The following CRKL variants were observed in gnomAD, a reference collection of about 807,000 sequenced individuals.
The protein encoded by CRKL is crk-like protein.
Under a neutral mutation model 23.0 loss-of-function variants are expected in CRKL, and 3 were observed. The ratio of observed to expected loss-of-function variants is 0.13; its 90% confidence interval spans 0.06 to 0.34. The LOEUF (loss-of-function observed/expected upper bound fraction) is 0.34. Among genes scored for constraint, CRKL ranks in the 10% least tolerant of loss-of-function variants. The probability of loss-of-function intolerance (pLI) is 1.00; values close to 1 mark genes in which losing one functional copy is unlikely to be tolerated. For synonymous variants in CRKL, 188 were observed against 160.7 expected (o/e 1.17, Z -1.28); for missense variants, 256 against 394.5 (o/e 0.65, Z 2.97).
rs1206426396 is a variant in CRKL, at chr22:20,941,572, GTGTGTGTA to G, written c.777+7330_777+7337del. The stretch of plus-strand genomic sequence containing the variant: ...TGTGTGTGTGTGTGTGTGTGTGTGT[GTGTGTGTA>G]TATATATATTTTTTTTTTTTTTTTT... On this transcript the variant is annotated intron_variant, in intron 2 of 2. Coordinates refer to ENST00000354336, the MANE Select transcript of CRKL (RefSeq NM_005207.4). Among the ~76,000 whole-genome samples the G allele has an allele frequency of 4.9e-5, 2 of 40,744 alleles. 1 individual carries two copies. The highest frequency in any genetic ancestry group is 8.9e-5 in the Non-Finnish European group (2 of 22,416). The allele number at this position is 40,744 out of a possible 152,430, so 26.7% of individuals were successfully genotyped here.
At chr22:20,943,291 A>ACG (rs1251516587) in intron 2 of CRKL, among the ~76,000 whole-genome samples, 2 of 152,024 alleles carry the variant, frequency 1.3e-5, no homozygotes, top group East Asian at 3.9e-4. Flanking sequence ...GCTGGAGTAC[A>ACG]ATGGCACTCA....
intron 2 of CRKL, 48 bp downstream of exon 2, chr22:20,934,292 T>A (rs761366341): frequency 3.4e-6 from 5 of 1,491,542 alleles, no homozygotes; most frequent in Non-Finnish European, 4.6e-6. Context: ...CATTTGGTTT[T>A]AATTTTTAGT....
chr22:20,931,902 C>T (rs1394372581), intron 1 of CRKL, among the ~76,000 whole-genome samples: 1 of 152,134 alleles, frequency 6.6e-6, no homozygotes, highest in Non-Finnish European at 1.5e-5. Context: ...AGCTCCGCCT[C>T]CCGGGCTCAC....
chr22:20,944,400 T>G (rs945936497), intron 2 of CRKL, among the ~76,000 whole-genome samples: 1 of 151,148 alleles, frequency 6.6e-6, no homozygotes, highest in African/African-American at 2.4e-5. Flanking sequence ...GGTTAAATTA[T>G]TCTCGTTTTG....
chr22:20,937,397 C>T (rs1921704100), intron 2 of CRKL, among the ~76,000 whole-genome samples: 1 of 150,630 alleles, frequency 6.6e-6, no homozygotes, highest in Non-Finnish European at 1.5e-5. Context: ...AGTCGAGGCT[C>T]CCAGTCAGAA....
Position 20,925,465 on chromosome 22 carries a change from C to T in CRKL, c.311+7220C>T, listed in dbSNP as rs555709487. The stretch of plus-strand genomic sequence containing the variant: ...CAGAGATGACAGTGAGCCGAGATTG[C>T]GCCAGCGCCACTGCACTCCAGTCTG... On this transcript the variant is annotated intron_variant, in intron 1 of 2. Transcript: ENST00000354336. Among the ~76,000 whole-genome samples the T allele has an allele frequency of 7.2e-5, 11 of 151,828 alleles. No homozygotes were observed. In the East Asian group the frequency reaches 7.8e-4, roughly 11 times the overall value.
Position 20,944,225 on chromosome 22 carries a change from G to A in CRKL, c.778-5486G>A, listed in dbSNP as rs1184137462. On this transcript the variant is annotated intron_variant, in intron 2 of 2. Coordinates refer to ENST00000354336, the MANE Select transcript of CRKL (RefSeq NM_005207.4). ...ACTGGTCTCAAACTCCTGGGCTCAA[G>A]TGATCCTCCTGTCTCAGCCTCCCAA... Among the ~76,000 whole-genome samples, 7 of 147,144 alleles carry A rather than the reference G, an allele frequency of 4.8e-5. No homozygotes were observed. In the East Asian group the frequency reaches 1.4e-3, roughly 29 times the overall value.
rs762877950 is a variant in CRKL at position 20,952,289 on chromosome 22, G to C, written c.*2444G>C. The stretch of plus-strand genomic sequence containing the variant: ...AGCCCTGTCTACTGACCAATACCCC[G>C]ACTCACCTTGTGTGGCGCACTTCAG... On this transcript the variant is annotated 3_prime_UTR_variant, in exon 3 of 3. Transcript: ENST00000354336. 8.7e-6 allele frequency: 2 copies of C among 229,802 alleles called. No homozygotes were observed. Among genetic ancestry groups the C allele is most frequent in the East Asian group, 1.2e-4 (2 of 16,112 alleles). 14.2% of individuals were successfully genotyped at this position (229,802 alleles called of 1,614,324 possible). A position where few individuals can be genotyped will look rare whatever the true frequency, so the allele number is the denominator to read the frequency against.
At chr22:20,926,694 G>A (rs1011940528) in intron 1 of CRKL, among the ~76,000 whole-genome samples, 2 of 152,246 alleles carry the variant, frequency 1.3e-5, no homozygotes, top group African/African-American at 4.8e-5. Context: ...AATAAGTAGA[G>A]AAAGAGAAGC....
intron 1 of CRKL, among the ~76,000 whole-genome samples, chr22:20,928,411 C>G: frequency 6.7e-6 from 1 of 149,828 alleles, no homozygotes; most frequent in Non-Finnish European, 1.5e-5. Flanking sequence ...GAGCCATGAT[C>G]GTACTGCTGC....
intron 2 of CRKL, among the ~76,000 whole-genome samples, chr22:20,948,617 A>G (rs1228094354): frequency 6.6e-6 from 1 of 152,192 alleles, no homozygotes; most frequent in African/African-American, 2.4e-5. Flanking sequence ...GGTGTCCTGC[A>G]TGCTCCAAAG....
chr22:20,918,429 CG>C (rs1009839287), intron 1 of CRKL, among the ~76,000 whole-genome samples, 184 bp downstream of exon 1: 2 of 48,094 alleles, frequency 4.2e-5, no homozygotes, highest in African/African-American at 1.5e-4. Context: ...TAAGAGGATG[CG>C]TTTTTTTTTT....
Position 20,917,433 on chromosome 22 carries a change from G to A in CRKL, c.-502G>A, listed in dbSNP as rs919410019. The A allele has an allele frequency of 4.4e-6, 1 of 226,008 alleles. No homozygotes were observed. Among genetic ancestry groups the A allele is most frequent in the Non-Finnish European group, 8.8e-6 (1 of 113,292 alleles). The allele number at this position is 226,008 out of a possible 1,614,324, so 14.0% of individuals were successfully genotyped here. A position where few individuals can be genotyped will look rare whatever the true frequency, so the allele number is the denominator to read the frequency against. ...CAGACGGAGCGCGCTGAGCGGAGGGGGAGGTGGCTGCCGCTTCTCCCGCGT... is the reference window on the plus strand; with the variant it reads ...CAGACGGAGCGCGCTGAGCGGAGGGAGAGGTGGCTGCCGCTTCTCCCGCGT... On this transcript the variant is annotated 5_prime_UTR_variant, in exon 1 of 3. Coordinates refer to ENST00000354336, the MANE Select transcript of CRKL (RefSeq NM_005207.4).
intron 2 of CRKL, among the ~76,000 whole-genome samples, chr22:20,948,025 C>G (rs1285784855): frequency 6.6e-6 from 1 of 152,142 alleles, no homozygotes; most frequent in Non-Finnish European, 1.5e-5. Context: ...GACAAAGATT[C>G]ATTGTGTATC....
intron 2 of CRKL, among the ~76,000 whole-genome samples, chr22:20,941,441 C>G (rs12157522): frequency 0.026 from 3,837 of 149,972 alleles, 174 homozygotes; most frequent in African/African-American, 0.09. Flanking sequence ...TAATACCATG[C>G]AAATGTAGGA....
chr22:20,948,652 T>C (rs886667678), intron 2 of CRKL, among the ~76,000 whole-genome samples: 5 of 152,136 alleles, frequency 3.3e-5, no homozygotes, highest in Admixed American at 3.3e-4. Context: ...CATTGGACTG[T>C]GCCATAAAAA....
At chr22:20,919,421 G>A (rs1601670909) in intron 1 of CRKL, among the ~76,000 whole-genome samples, 1 of 152,138 alleles carries the variant, frequency 6.6e-6, no homozygotes, top group Non-Finnish European at 1.5e-5. Context: ...TGCTTTTTGT[G>A]TTAAGTCTAA....
intron 2 of CRKL, among the ~76,000 whole-genome samples, chr22:20,946,719 C>A (rs540592638): frequency 1.5e-4 from 11 of 72,018 alleles, no homozygotes; most frequent in East Asian, 1.4e-3. Flanking sequence ...AGCACCCCTC[C>A]CTCCAAAAAA....
At chr22:20,946,228 C>T (rs115282011) in intron 2 of CRKL, among the ~76,000 whole-genome samples, 1,527 of 152,260 alleles carry the variant, frequency 0.01, 20 homozygotes, top group African/African-American at 0.035. Flanking sequence ...CTTGGGCCCT[C>T]CAGTGCGTTG....
Sources: gnomAD v4.1 joint callset for allele counts (sites outside exome capture counted in the v4.1 genomes callset) on GRCh38, gnomAD v4.1.1 for gene constraint, MANE v1.5 for transcripts, NCBI Gene and HGNC (gene_info 2026-07-23, HGNC 2026-07-21) for gene names.